The following USP10 variants were observed in gnomAD, a reference collection of about 807,000 sequenced individuals.
The protein encoded by USP10 is ubiquitin carboxyl-terminal hydrolase 10.
A neutral mutation model predicts 84.5 loss-of-function variants in USP10; 22 were observed. The observed-to-expected ratio is 0.26, with a 90% CI of 0.19 to 0.37. The LOEUF (loss-of-function observed/expected upper bound fraction) is 0.37. Ranked by LOEUF, USP10 falls within the 10% of genes least tolerant of loss-of-function variation. The pLI is 1.00. For missense variants in USP10, 1,019 were observed against 998.9 expected (o/e 1.02, Z -0.27); for synonymous variants, 454 against 387.6 (o/e 1.17, Z -2.01).
In USP10 at chr16:84,779,098, T is replaced by C. The variant is rs757127059; in HGVS notation, c.*16T>C. Reference sequence around the variant, plus strand: ...CCTGCTGTAAACCCTGTGTGCGCTGTGTGTGCGCCCAGTGCCCGCTTCGTA... The same window carrying C: ...CCTGCTGTAAACCCTGTGTGCGCTGCGTGTGCGCCCAGTGCCCGCTTCGTA... On this transcript the variant is annotated 3_prime_UTR_variant, in exon 14 of 14. Transcript: ENST00000219473. The C allele has an allele frequency of 1.9e-6, 3 of 1,605,936 alleles. No individual in the cohort carries two copies. The highest frequency in any genetic ancestry group is 2.6e-6 in the Non-Finnish European group (3 of 1,173,590).
Position 84,758,709 on chromosome 16 carries a change from C to T in USP10, c.1193-7C>T, listed in dbSNP as rs747887250. On this transcript the variant is annotated splice_polypyrimidine_tract_variant and splice_region_variant and intron_variant, in intron 4 of 13. Coordinates refer to ENST00000219473, the MANE Select transcript of USP10 (RefSeq NM_005153.3). ...AATTTCTGAAATATGCTTCTTCACT[C>T]TTTCAGAGTTGCTGGAGAATGTAAC... The T allele has an allele frequency of 1.4e-5, 22 of 1,600,552 alleles. No individual in the cohort carries two copies. Among genetic ancestry groups the T allele is most frequent in the Non-Finnish European group, 1.8e-5 (21 of 1,167,804 alleles).
At chr16:84,703,239 C>T (rs192629019) in intron 1 of USP10, among the ~76,000 whole-genome samples, 13 of 152,108 alleles carry the variant, frequency 8.5e-5, no homozygotes, top group African/African-American at 2.2e-4. Flanking sequence ...CTGAGGGGAC[C>T]GGTTAAATTA....
At chr16:84,743,457 G>C (rs1320738894) in intron 3 of USP10, among the ~76,000 whole-genome samples, 3 of 152,126 alleles carry the variant, frequency 2.0e-5, no homozygotes, top group Admixed American at 6.5e-5. Flanking sequence ...TCTACAAAAA[G>C]ATTTCTAGGG....
rs1046414301 is a variant in USP10 at position 84,733,365 on chromosome 16, G to A, written c.22-70G>A. On this transcript the variant is annotated intron_variant, in intron 1 of 13. Transcript: ENST00000219473. ...ATGTTGCATAGGATTGTTAAAATAT[G>A]TAGCATTTTTTCTGAAAGTATATAA... 4.0e-6 allele frequency: 5 copies of A among 1,235,540 alleles called. No homozygotes were observed. The African/African-American group carries it at 7.6e-5, about 19-fold the overall frequency. The allele number at this position is 1,235,540 out of a possible 1,614,324, so 76.5% of individuals were successfully genotyped here. A position where few individuals can be genotyped will look rare whatever the true frequency, so the allele number is the denominator to read the frequency against.
intron 1 of USP10, chr16:84,732,972 C>G: frequency 2.4e-6 from 1 of 414,978 alleles, no homozygotes; most frequent in Non-Finnish European, 4.7e-6. Flanking sequence ...TTTTAAAGAT[C>G]ATTAATCAGG....
intron 1 of USP10, among the ~76,000 whole-genome samples, chr16:84,714,897 ATATT>A (rs1906800268): frequency 6.6e-6 from 1 of 150,940 alleles, no homozygotes; most frequent in Non-Finnish European, 1.5e-5. Flanking sequence ...TGTTTGAAAA[ATATT>A]TAAAAAGTTC....
intron 4 of USP10, among the ~76,000 whole-genome samples, chr16:84,751,349 G>C (rs1364497399): frequency 6.6e-6 from 1 of 152,176 alleles, no homozygotes; most frequent in Non-Finnish European, 1.5e-5. Flanking sequence ...TATTTTGGCA[G>C]TTTATAAATC....
Position 84,745,642 on chromosome 16 carries a change from T to G in USP10, c.1161T>G (p.Val387=), listed in dbSNP as rs7185949. The change falls in exon 4 of 14, where the codon GTT becomes GTG. Residue 387 remains valine, a synonymous_variant. Coordinates refer to ENST00000219473, the MANE Select transcript of USP10 (RefSeq NM_005153.3). The part of the protein sequence containing the change: ...QVEVKEGLVP[V]SEDPVAIKIA... ...AAGTCAAAGAAGGGCTTGTTCCGGTTTCAGAGGATCCTGTAGCCATAAAGA... is the reference window on the plus strand; with the variant it reads ...AAGTCAAAGAAGGGCTTGTTCCGGTGTCAGAGGATCCTGTAGCCATAAAGA... 360,788 of 1,611,750 alleles carry G rather than the reference T, an allele frequency of 0.22. 43,330 individuals carry two copies. The highest frequency in any genetic ancestry group is 0.41 in the Admixed American group (24,360 of 59,608).
rs1219403384 is a variant in USP10, at chr16:84,745,339, T to C, written c.858T>C (p.Asn286=). ...CTACTGAAAACCTTGGAGTTGCTAATGGACAAATACTTGAATCCTCGGGTG... is the reference window on the plus strand; with the variant it reads ...CTACTGAAAACCTTGGAGTTGCTAACGGACAAATACTTGAATCCTCGGGTG... ...TDTTENLGVA[N]GQILESSGEG... The change falls in exon 4 of 14, where the codon AAT becomes AAC. Residue 286 remains asparagine (N), a synonymous_variant. Transcript: ENST00000219473. 2 of 1,613,074 alleles carry C rather than the reference T, an allele frequency of 1.2e-6. No individual in the cohort carries two copies. The highest frequency in any genetic ancestry group is 2.2e-5 in the East Asian group (1 of 44,884).
At chr16:84,754,819 A>C (rs16974560) in intron 4 of USP10, among the ~76,000 whole-genome samples, 50 of 152,122 alleles carry the variant, frequency 3.3e-4, no homozygotes, top group African/African-American at 1.1e-3. Flanking sequence ...GGCCATGCAG[A>C]TTATTCTGGG....
intron 4 of USP10, among the ~76,000 whole-genome samples, chr16:84,754,193 C>T (rs190624861): frequency 6.6e-6 from 1 of 152,208 alleles, no homozygotes; most frequent in African/African-American, 2.4e-5. Context: ...TCTTGAGTGC[C>T]TTCTGTCGGT....
At chr16:84,747,087 A>C (rs1329828589) in intron 4 of USP10, among the ~76,000 whole-genome samples, 1 of 152,206 alleles carries the variant, frequency 6.6e-6, no homozygotes, top group Non-Finnish European at 1.5e-5. Context: ...GGACCATCAT[A>C]CGTGCGGCTC....
At chr16:84,740,279 T>A in intron 2 of USP10, 30 bp from the exon 3 acceptor site, 1 of 1,597,610 alleles carries the variant, frequency 6.3e-7, no homozygotes, top group African/African-American at 1.3e-5. Context: ...TTTTGTTGAA[T>A]TAAAATTTGT....
At chr16:84,737,262 G>C (rs1477412161) in intron 2 of USP10, among the ~76,000 whole-genome samples, 1 of 152,226 alleles carries the variant, frequency 6.6e-6, no homozygotes, top group East Asian at 1.9e-4. Context: ...CACACTGTGC[G>C]TTTAGCATAA....
intron 13 of USP10, among the ~76,000 whole-genome samples, chr16:84,776,340 G>A (rs1915017673): frequency 6.6e-6 from 1 of 152,158 alleles, no homozygotes; most frequent in Admixed American, 6.5e-5. Context: ...GGCCCAGTGG[G>A]TGAGGCCCAG....
intron 2 of USP10, among the ~76,000 whole-genome samples, chr16:84,734,653 ATTTT>A (rs747243892): frequency 1.7e-4 from 26 of 151,326 alleles, no homozygotes; most frequent in Non-Finnish European, 3.5e-4. Flanking sequence ...AACTGAATTG[ATTTT>A]TTTTTCCTTA....
intron 12 of USP10, among the ~76,000 whole-genome samples, chr16:84,774,722 G>T (rs542391734): frequency 6.6e-5 from 10 of 152,186 alleles, no homozygotes; most frequent in Non-Finnish European, 1.0e-4. Flanking sequence ...GCCCGTCTCA[G>T]CCTCCCAAAG....
chr16:84,745,297 C>T lies in USP10; in HGVS notation c.816C>T (p.Pro272=). ...DTLSRTAGAQ[P]CVGTDTTENL... ...TGTCAAGGACAGCTGGGGCTCAGCC[C>T]TGCGTTGGTACCGATACTACTGAAA... The change falls in exon 4 of 14, where the codon CCC becomes CCT. Residue 272 remains proline, a synonymous_variant. Transcript: ENST00000219473. The T allele has an allele frequency of 6.2e-7, 1 of 1,613,186 alleles. No individual in the cohort carries two copies. The highest frequency in any genetic ancestry group is 8.5e-7 in the Non-Finnish European group (1 of 1,179,712).
In USP10 at chr16:84,704,048, A is replaced by G. The variant is rs77330018; in HGVS notation, c.21+3937A>G. On this transcript the variant is annotated intron_variant, in intron 1 of 13. Transcript: ENST00000219473. The stretch of plus-strand genomic sequence containing the variant: ...AGCTTAATGATTGCTGTTTAATGCC[A>G]AGCCTAAGCGGCACGTTGCACTGTG... Among the ~76,000 whole-genome samples the G allele has an allele frequency of 1.6e-3, 239 of 152,388 alleles. 9 individuals carry two copies. The East Asian group carries it at 0.038, about 24-fold the overall frequency.
Sources: allele counts gnomAD v4.1 joint callset (sites outside exome capture counted in the v4.1 genomes callset), GRCh38; gene constraint gnomAD v4.1.1; transcripts MANE v1.5; gene names NCBI Gene and HGNC (gene_info 2026-07-23, HGNC 2026-07-21).